LRRC56: variants seen among roughly 807,000 people sequenced by gnomAD.
LRRC56 encodes the protein leucine rich repeat containing 56.
LRRC56 carries 41 observed loss-of-function variants against 47.8 expected under a neutral mutation model. That is an observed-to-expected ratio of 0.86 (90% CI 0.67 to 1.11). The LOEUF (loss-of-function observed/expected upper bound fraction) is 1.11. Among genes scored for constraint, LRRC56 ranks in the 50% most tolerant of loss-of-function variants. The pLI is 0.00. For missense variants in LRRC56, 759 were observed against 704.2 expected (o/e 1.08, Z -0.88); for synonymous variants, 387 against 311.2 (o/e 1.24, Z -2.56).
chr11:548,184 A>G (rs1172524590), intron 6 of LRRC56, among the ~76,000 whole-genome samples: 1 of 152,234 alleles, frequency 6.6e-6, no homozygotes, highest in Non-Finnish European at 1.5e-5. Context: ...GACTGAAAGG[A>G]AAAACAAACT....
chr11:526,184 G>C, the LRRC56 span, among the ~76,000 whole-genome samples: 14,610 of 152,222 alleles, frequency 0.096, 957 homozygotes, highest in Admixed American at 0.19. Flanking sequence ...TCCAGCCTGG[G>C]CGACAGTGAG....
upstream of LRRC56, among the ~76,000 whole-genome samples, chr11:536,024 G>A (rs1260905688): frequency 6.6e-6 from 1 of 152,184 alleles, no homozygotes; most frequent in Non-Finnish European, 1.5e-5. Flanking sequence ...CGGAGCTGGG[G>A]GCCCCCGGGT....
chr11:550,048 G>A, intron 7 of LRRC56, 24 bp from the exon 8 acceptor site: 1 of 1,611,306 alleles, frequency 6.2e-7, no homozygotes, highest in Non-Finnish European at 8.5e-7. Context: ...GCCGGGCCCT[G>A]GCTCAGAGCC....
chr11:551,169 G>C lies in LRRC56; in HGVS notation c.663G>C (p.Lys221Asn), dbSNP rs1272838292. 3.9e-6 allele frequency: 6 copies of C among 1,541,584 alleles called. No homozygotes were observed. The highest frequency in any genetic ancestry group is 4.4e-6 in the Non-Finnish European group (5 of 1,141,570). Reference protein sequence around the residue: ...RGYNYRAEVRKLIPQLQVLDE... With the variant: ...RGYNYRAEVRNLIPQLQVLDE... ...ACAACTACAGGGCAGAGGTGAGGAA[G>C]CTCATTCCCCAGCTGCAGGTCCTGG... The change falls in exon 9 of 14, where the codon AAG becomes AAC. Residue 221 changes from lysine (K) to asparagine (N), a missense_variant. By Grantham distance (94) the Lys-to-Asn change is moderately conservative. Coordinates refer to ENST00000270115, the MANE Select transcript of LRRC56 (RefSeq NM_198075.4).
chr11:545,517 C>T (rs182420185), intron 6 of LRRC56, among the ~76,000 whole-genome samples: 2 of 150,010 alleles, frequency 1.3e-5, no homozygotes, highest in Non-Finnish European at 2.9e-5. Flanking sequence ...AGACGGCAGC[C>T]CCCGGGAGAG....
At chr11:549,346 G>C (rs1379923608) in intron 6 of LRRC56, among the ~76,000 whole-genome samples, 2 of 152,114 alleles carry the variant, frequency 1.3e-5, no homozygotes. Context: ...GCATGGTGAA[G>C]TCACTGTGGC....
upstream of LRRC56, among the ~76,000 whole-genome samples, chr11:534,819 C>A (rs1165571005): frequency 6.6e-6 from 1 of 152,190 alleles, no homozygotes; most frequent in African/African-American, 2.4e-5. Flanking sequence ...CAAGTATTTG[C>A]TGAGCGCCTA....
chr11:518,473 C>T, the LRRC56 span, among the ~76,000 whole-genome samples: 12 of 152,128 alleles, frequency 7.9e-5, no homozygotes, highest in Admixed American at 2.6e-4. Flanking sequence ...TGAGCCACCG[C>T]GCCAGGTCAG....
chr11:529,447 CA>C, the LRRC56 span: 1 of 152,226 alleles, frequency 6.6e-6, no homozygotes, highest in Admixed American at 6.5e-5. Flanking sequence ...CACTGCTGCT[CA>C]CTGTGGGACA....
At chr11:547,713 C>T (rs1852162750) in intron 6 of LRRC56, among the ~76,000 whole-genome samples, 1 of 152,064 alleles carries the variant, frequency 6.6e-6, no homozygotes, top group Admixed American at 6.6e-5. Flanking sequence ...ATATAAAAAG[C>T]ACATAAATAC....
chr11:520,776 G>A, the LRRC56 span, among the ~76,000 whole-genome samples: 5 of 152,004 alleles, frequency 3.3e-5, no homozygotes, highest in Non-Finnish European at 7.4e-5. Context: ...TTCTGTCTCC[G>A]TCCTTTCTGT....
upstream of LRRC56, chr11:533,266 G>T (rs377733297): frequency 8.9e-6 from 14 of 1,575,384 alleles, no homozygotes; most frequent in South Asian, 1.1e-5. Flanking sequence ...CTGCCGTCCC[G>T]GGAGACTTAC....
At chr11:506,803 G>C in the LRRC56 span, 2 of 152,292 alleles carry the variant, frequency 1.3e-5, no homozygotes, top group African/African-American at 4.8e-5. Flanking sequence ...ACGTGAGGAC[G>C]AACCACGCAG....
chr11:535,988 A>T (rs1010569672), upstream of LRRC56, among the ~76,000 whole-genome samples: 3 of 152,064 alleles, frequency 2.0e-5, no homozygotes, highest in African/African-American at 7.2e-5. Flanking sequence ...AAAGGCTGGG[A>T]TCCGCCGGGA....
At chr11:529,130 A>G in the LRRC56 span, 12 of 152,296 alleles carry the variant, frequency 7.9e-5, no homozygotes, top group African/African-American at 2.9e-4. Flanking sequence ...CGTGGGGTGG[A>G]TACGAACTCA....
intron 6 of LRRC56, among the ~76,000 whole-genome samples, chr11:549,501 A>G (rs1372383439): frequency 6.6e-6 from 1 of 152,182 alleles, no homozygotes; most frequent in Non-Finnish European, 1.5e-5. Context: ...AGCCCCCCAC[A>G]TCGGTGTCCA....
chr11:532,732 C>G (rs747269683), upstream of LRRC56: 5 of 1,613,088 alleles, frequency 3.1e-6, no homozygotes. Context: ...CACGCACCAA[C>G]GTGTAGAAGG....
At chr11:551,438 G>A (rs1852382995) in intron 9 of LRRC56, 136 bp downstream of exon 9, 5 of 792,976 alleles carry the variant, frequency 6.3e-6, no homozygotes, top group Non-Finnish European at 9.9e-6. Context: ...CCCCAGAGCT[G>A]TGCACACCCG....
upstream of LRRC56, chr11:532,845 G>T: frequency 7.5e-7 from 1 of 1,334,040 alleles, no homozygotes. Context: ...AGCCTTGCCT[G>T]GCCCGAAGCT....
Sources: allele counts gnomAD v4.1 joint callset (sites outside exome capture counted in the v4.1 genomes callset), GRCh38; gene constraint gnomAD v4.1.1; transcripts MANE v1.5; gene names NCBI Gene and HGNC (gene_info 2026-07-23, HGNC 2026-07-21).